The following FAM178B variants were observed in gnomAD, a reference collection of about 807,000 sequenced individuals.
FAM178B encodes the protein family with sequence similarity 178 member B, also known as protein FAM178B.
In FAM178B, 82 loss-of-function variants were observed where a neutral mutation model predicts 91.7. The observed-to-expected ratio is 0.89, with a 90% confidence interval of 0.75 to 1.07. FAM178B has a LOEUF of 1.07. Ranked by LOEUF, FAM178B falls within the 50% of genes least tolerant of loss-of-function variation. FAM178B has a pLI of 0.00. For missense variants in FAM178B, 769 were observed against 846.7 expected (o/e 0.91, Z 1.14); for synonymous variants, 368 against 359.4 (o/e 1.02, Z -0.27).
intron 10 of FAM178B, among the ~76,000 whole-genome samples, chr2:96,922,498 C>T (rs140798618): frequency 0.013 from 1,972 of 151,978 alleles, 36 homozygotes; most frequent in African/African-American, 0.045. Flanking sequence ...TACAGGCACG[C>T]GCCACCGCGC....
At chr2:96,935,855 C>T (rs1201144437) in intron 8 of FAM178B, among the ~76,000 whole-genome samples, 4 of 151,498 alleles carry the variant, frequency 2.6e-5, no homozygotes, top group South Asian at 2.1e-4. Context: ...AGGCTGGTCT[C>T]GAACTCCTGA....
chr2:96,962,456 AGAAAG>A (rs796255458), intron 5 of FAM178B, among the ~76,000 whole-genome samples: 13 of 151,402 alleles, frequency 8.6e-5, no homozygotes, highest in African/African-American at 2.9e-4. Flanking sequence ...AAAGAAAGAA[AGAAAG>A]AAAAAAAAGC....
Position 96,876,253 on chromosome 2 carries a change from T to C in FAM178B, c.*23A>G. The C allele has an allele frequency of 5.6e-6, 9 of 1,606,416 alleles. No homozygotes were observed. Among genetic ancestry groups the C allele is most frequent in the Non-Finnish European group, 7.6e-6 (9 of 1,177,174 alleles). On this transcript the variant is annotated 3_prime_UTR_variant, in exon 17 of 17. Coordinates refer to ENST00000490605, the MANE Select transcript of FAM178B (RefSeq NM_001122646.3). Reference sequence around the variant, plus strand: ...CACTTCCTGCTGAAGCCAGGAGCCCTGGGCTGCCCTGACCCTGTCCCTTTA... The same window carrying C: ...CACTTCCTGCTGAAGCCAGGAGCCCCGGGCTGCCCTGACCCTGTCCCTTTA...
intron 12 of FAM178B, among the ~76,000 whole-genome samples, chr2:96,910,667 G>A (rs1019226618): frequency 2.0e-5 from 3 of 152,208 alleles, no homozygotes; most frequent in South Asian, 4.2e-4. Flanking sequence ...CTGAGACCAC[G>A]AACAAGCTCT....
chr2:96,930,802 G>A (rs958257506), intron 8 of FAM178B, among the ~76,000 whole-genome samples: 16 of 152,302 alleles, frequency 1.1e-4, no homozygotes, highest in Admixed American at 2.6e-4. Context: ...ATTAGGTCAT[G>A]AGAATGGAGC....
chr2:96,931,845 CTTGT>C (rs562382345), intron 8 of FAM178B, among the ~76,000 whole-genome samples: 83 of 150,298 alleles, frequency 5.5e-4, no homozygotes, highest in South Asian at 4.4e-3. Context: ...GAAAAACTTT[CTTGT>C]TTGTTTGTTT....
chr2:96,889,584 A>G (rs111722521), intron 14 of FAM178B, among the ~76,000 whole-genome samples: 38,129 of 151,570 alleles, frequency 0.25, 6,092 homozygotes, highest in South Asian at 0.67. Context: ...AGGCTGAGGC[A>G]GGAGAATCGC....
chr2:96,962,564 G>A (rs2082096385), intron 5 of FAM178B, among the ~76,000 whole-genome samples: 2 of 152,152 alleles, frequency 1.3e-5, no homozygotes, highest in Admixed American at 6.5e-5. Context: ...TGTAATGTAT[G>A]TGCATTATTA....
At chr2:96,948,178 C>T (rs1379751110) in intron 7 of FAM178B, among the ~76,000 whole-genome samples, 3 of 152,238 alleles carry the variant, frequency 2.0e-5, no homozygotes, top group Non-Finnish European at 2.9e-5. Flanking sequence ...CCTCCTACTC[C>T]GTCCACCTCC....
intron 14 of FAM178B, among the ~76,000 whole-genome samples, chr2:96,891,970 G>A (rs2080692941): frequency 1.3e-5 from 2 of 152,338 alleles, no homozygotes; most frequent in South Asian, 4.1e-4. Flanking sequence ...GAAGGGAAAC[G>A]AAAAGGCAAA....
intron 14 of FAM178B, among the ~76,000 whole-genome samples, chr2:96,878,860 C>T (rs931054905): frequency 6.6e-6 from 1 of 152,248 alleles, no homozygotes; most frequent in African/African-American, 2.4e-5. Flanking sequence ...CCACTCTGAT[C>T]TCTGCAGTCT....
intron 5 of FAM178B, among the ~76,000 whole-genome samples, chr2:96,962,763 G>A (rs558474950): frequency 6.6e-6 from 1 of 152,222 alleles, no homozygotes; most frequent in Non-Finnish European, 1.5e-5. Flanking sequence ...CCGATTGTTA[G>A]AGCATGCACA....
chr2:96,878,008 C>T lies in FAM178B; in HGVS notation c.1889G>A (p.Arg630His), dbSNP rs1315063219. Residue 630 changes from arginine to histidine, a missense_variant, in exon 16 of 17, where the codon CGC (arginine) becomes CAC (histidine). By Grantham distance (29) the Arg-to-His change is conservative. Transcript: ENST00000490605. ...CTCCCGGATCTGCGTGCTGATGTGG[C>T]GGTCCAACTGCATGCACAGCAGCTG... ...ELQLLCMQLD[R>H]HISTQIRESP... is the part of the protein sequence containing the mutation. 11 of 1,612,100 alleles carry T rather than the reference C, an allele frequency of 6.8e-6. No individual in the cohort carries two copies. The highest frequency in any genetic ancestry group is 3.3e-5 in the Admixed American group (2 of 60,010).
At chr2:96,963,108 C>A (rs1032841625) in intron 5 of FAM178B, among the ~76,000 whole-genome samples, 4 of 152,200 alleles carry the variant, frequency 2.6e-5, no homozygotes, top group African/African-American at 9.7e-5. Context: ...GCCAGGACTA[C>A]CTTCTGCGTT....
chr2:96,915,759 T>G (rs1294013811), intron 12 of FAM178B, among the ~76,000 whole-genome samples: 1 of 147,554 alleles, frequency 6.8e-6, no homozygotes, highest in Non-Finnish European at 1.5e-5. Flanking sequence ...GAGGTTGCAG[T>G]GAGCTGAGAC....
At chr2:96,941,085 T>C (rs551322221) in intron 8 of FAM178B, among the ~76,000 whole-genome samples, 1 of 152,304 alleles carries the variant, frequency 6.6e-6, no homozygotes, top group East Asian at 1.9e-4. Flanking sequence ...GATAAACATA[T>C]AAACATACAA....
intron 8 of FAM178B, among the ~76,000 whole-genome samples, chr2:96,943,652 T>G (rs1207366531): frequency 6.6e-6 from 1 of 152,158 alleles, no homozygotes; most frequent in Admixed American, 6.5e-5. Context: ...ATCCTGGTCT[T>G]GACAAATATT....
rs532882213 is a variant in FAM178B at position 96,929,213 on chromosome 2, C to T, written c.1186G>A (p.Gly396Ser). Residue 396 changes from glycine to serine, a missense_variant, in exon 9 of 17, where the codon GGT becomes AGT. By Grantham distance (56) the Gly-to-Ser change is moderately conservative (BLOSUM62 0). Coordinates refer to ENST00000490605, the MANE Select transcript of FAM178B (RefSeq NM_001122646.3). ...ALYPLGPFWH[G>S]GRVLPGEAGL... ...GGAAGCAGAAGTACTCACCTGCCAC[C>T]GTGCCAAAAGGGCCCCAGAGGGTAC... The T allele has an allele frequency of 2.5e-5, 38 of 1,550,084 alleles. No individual in the cohort carries two copies. The highest frequency in any genetic ancestry group is 5.9e-5 in the Admixed American group (3 of 50,964).
chr2:96,981,775 C>T (rs2082366171), intron 1 of FAM178B, among the ~76,000 whole-genome samples: 1 of 138,634 alleles, frequency 7.2e-6, no homozygotes, highest in South Asian at 2.3e-4. Flanking sequence ...AAGAAAGAAA[C>T]TGTCCTCTAG....
Sources: gnomAD v4.1 joint callset for allele counts (sites outside exome capture counted in the v4.1 genomes callset) on GRCh38, gnomAD v4.1.1 for gene constraint, MANE v1.5 for transcripts, NCBI Gene and HGNC (gene_info 2026-07-23, HGNC 2026-07-21) for gene names.